Variants in TAFA1 observed in about 807,000 individuals in gnomAD.
The protein encoded by TAFA1 is TAFA chemokine like family member 1, also known as chemokine-like protein TAFA-1.
TAFA1 carries 4 observed loss-of-function variants against 18.5 expected under a neutral mutation model. The ratio of observed to expected loss-of-function variants is 0.22; its 90% CI spans 0.11 to 0.49. The LOEUF is 0.49. Ranked by LOEUF, TAFA1 falls within the 20% of genes least tolerant of loss-of-function variation. The pLI is 0.98. For synonymous variants in TAFA1, 56 were observed against 55.2 expected, an observed-to-expected ratio of 1.01 and a Z score of -0.06; for missense variants, 147 against 169.0, an observed-to-expected ratio of 0.87 and a Z score of 0.72.
chr3:68,433,231 C>T lies in TAFA1; in HGVS notation c.259+15811C>T, dbSNP rs182711840. Among the ~76,000 whole-genome samples, 7 of 152,136 alleles carry T rather than the reference C, an allele frequency of 4.6e-5. No individual in the cohort carries two copies. In the East Asian group the frequency reaches 1.4e-3, roughly 30 times the overall value. Reference sequence around the variant, plus strand: ...ACATCTTTGCCTTTCTTCACTTCCTCATGGCCCATGTCCATTTTGTCATCA... The same window carrying T: ...ACATCTTTGCCTTTCTTCACTTCCTTATGGCCCATGTCCATTTTGTCATCA... On this transcript the variant is annotated intron_variant, in intron 3 of 4. Transcript: ENST00000478136.
intron 2 of TAFA1, among the ~76,000 whole-genome samples, chr3:68,367,399 G>A (rs533724515): frequency 6.6e-6 from 1 of 152,260 alleles, no homozygotes; most frequent in East Asian, 1.9e-4. Flanking sequence ...GATTTAATGG[G>A]ACAAAAGGAA....
chr3:68,492,960 A>G (rs933228991), intron 3 of TAFA1, among the ~76,000 whole-genome samples: 1 of 152,216 alleles, frequency 6.6e-6, no homozygotes, highest in Admixed American at 6.5e-5. Flanking sequence ...AGGGAAAAGA[A>G]CCAGAAAATT....
At chr3:68,003,390 A>G (rs566255418), upstream of TAFA1, among the ~76,000 whole-genome samples, 1 of 152,330 alleles carries the variant, frequency 6.6e-6, no homozygotes, top group South Asian at 2.1e-4. Flanking sequence ...GATTTTGAAA[A>G]CACCATAAAA....
chr3:68,121,114 C>T (rs192019039), intron 2 of TAFA1, among the ~76,000 whole-genome samples: 2 of 150,998 alleles, frequency 1.3e-5, no homozygotes, highest in African/African-American at 2.4e-5. Context: ...ATATAGATTT[C>T]TCCAAGGAAA....
chr3:68,122,623 T>C (rs920248989), intron 2 of TAFA1, among the ~76,000 whole-genome samples: 2 of 152,100 alleles, frequency 1.3e-5, no homozygotes, highest in Admixed American at 6.5e-5. Context: ...AAGATAAACC[T>C]AATAGTCTGT....
At chr3:68,048,262 C>A (rs563151166) in intron 2 of TAFA1, among the ~76,000 whole-genome samples, 1 of 151,754 alleles carries the variant, frequency 6.6e-6, no homozygotes. Context: ...ATATTGAAGA[C>A]GGGCTTATGG....
At chr3:68,200,733 CT>C (rs1443836179) in intron 2 of TAFA1, among the ~76,000 whole-genome samples, 1 of 151,440 alleles carries the variant, frequency 6.6e-6, no homozygotes, top group African/African-American at 2.4e-5. Flanking sequence ...TATCCATTCT[CT>C]TTATCTTCTT....
At chr3:68,385,097 G>T (rs1173952158) in intron 2 of TAFA1, among the ~76,000 whole-genome samples, 2 of 152,040 alleles carry the variant, frequency 1.3e-5, no homozygotes, top group Non-Finnish European at 2.9e-5. Context: ...CCTTGGGTAA[G>T]ATGGTTGCCC....
chr3:68,326,475 T>C (rs1255881349), intron 2 of TAFA1, among the ~76,000 whole-genome samples: 1 of 152,200 alleles, frequency 6.6e-6, no homozygotes, highest in African/African-American at 2.4e-5. Flanking sequence ...TAAGATATCA[T>C]ATGTTCACAT....
chr3:68,415,228 G>A (rs1205811783), intron 2 of TAFA1, among the ~76,000 whole-genome samples: 1 of 152,128 alleles, frequency 6.6e-6, no homozygotes, highest in Non-Finnish European at 1.5e-5. Context: ...TTACCAAGGT[G>A]GTTGCCCTAG....
chr3:68,481,871 A>G, intron 3 of TAFA1, among the ~76,000 whole-genome samples: 1 of 152,084 alleles, frequency 6.6e-6, no homozygotes, highest in South Asian at 2.1e-4. Flanking sequence ...ATTCTTCTTC[A>G]TTTCACACTG....
intron 2 of TAFA1, among the ~76,000 whole-genome samples, chr3:68,329,121 G>A (rs1008269980): frequency 3.9e-4 from 55 of 142,120 alleles, no homozygotes; most frequent in African/African-American, 1.2e-3. Context: ...GTCTCACTCC[G>A]TCACCCAACC....
chr3:68,296,036 A>C (rs2068201235), intron 2 of TAFA1, among the ~76,000 whole-genome samples: 1 of 152,214 alleles, frequency 6.6e-6, no homozygotes, highest in African/African-American at 2.4e-5. Flanking sequence ...ACAACAGATA[A>C]AGTTAATCTT....
chr3:68,397,523 A>C (rs565145986), intron 2 of TAFA1, among the ~76,000 whole-genome samples: 3 of 152,196 alleles, frequency 2.0e-5, no homozygotes. Flanking sequence ...CTAGTATTCC[A>C]TGGTTTATAT....
At chr3:68,119,466 A>G (rs749120360) in intron 2 of TAFA1, among the ~76,000 whole-genome samples, 29 of 152,124 alleles carry the variant, frequency 1.9e-4, no homozygotes, top group Non-Finnish European at 3.4e-4. Context: ...CTAAAATCCA[A>G]TGTCAAGAAG....
At chr3:68,470,203 C>T (rs2071971800) in intron 3 of TAFA1, among the ~76,000 whole-genome samples, 3 of 152,188 alleles carry the variant, frequency 2.0e-5, no homozygotes, top group African/African-American at 7.2e-5. Context: ...GATTCTCATT[C>T]ACCTTCTGCC....
chr3:68,433,666 G>A (rs2071221052), intron 3 of TAFA1, among the ~76,000 whole-genome samples: 1 of 152,072 alleles, frequency 6.6e-6, no homozygotes, highest in African/African-American at 2.4e-5. Context: ...TCAAATCAAA[G>A]ATGGATTTAT....
intron 3 of TAFA1, among the ~76,000 whole-genome samples, chr3:68,528,153 T>A (rs1559706762): frequency 6.6e-6 from 1 of 152,186 alleles, no homozygotes; most frequent in Non-Finnish European, 1.5e-5. Context: ...AGCTGGATAA[T>A]AAACACATGG....
intron 2 of TAFA1, among the ~76,000 whole-genome samples, chr3:68,359,767 A>G (rs753943005): frequency 6.6e-6 from 1 of 151,974 alleles, no homozygotes; most frequent in Admixed American, 6.6e-5. Flanking sequence ...ATAGGAAACT[A>G]AGCCACCAAA....
Sources: gnomAD v4.1 joint callset for allele counts (sites outside exome capture counted in the v4.1 genomes callset) on GRCh38, gnomAD v4.1.1 for gene constraint, MANE v1.5 for transcripts, NCBI Gene and HGNC (gene_info 2026-07-23, HGNC 2026-07-21) for gene names.